Variants in HERC4 observed in about 807,000 individuals in gnomAD.
HERC4 encodes the protein HECT and RLD domain containing E3 ubiquitin protein ligase 4.
In HERC4, 28 loss-of-function variants were observed where a neutral mutation model predicts 124.3. The observed-to-expected ratio is 0.23, with a 90% confidence interval of 0.17 to 0.31. The LOEUF (loss-of-function observed/expected upper bound fraction) is 0.31, where lower values mean the gene tolerates loss of function less well. Ranked by LOEUF, HERC4 falls within the 10% of genes least tolerant of loss-of-function variation. HERC4 has a pLI of 1.00. For synonymous variants in HERC4, 407 were observed against 421.5 expected, an observed-to-expected ratio of 0.97 and a Z score of 0.42; for missense variants, 713 against 1,229.3, an observed-to-expected ratio of 0.58 and a Z score of 6.28.
intron 23 of HERC4, among the ~76,000 whole-genome samples, chr10:67,932,311 C>T (rs1170880687): frequency 6.6e-6 from 1 of 152,114 alleles, no homozygotes. Context: ...CTGTTGAACT[C>T]CTGGCCTCAA....
intron 15 of HERC4, among the ~76,000 whole-genome samples, chr10:67,970,563 C>A (rs1322968925): frequency 1.3e-5 from 2 of 150,986 alleles, no homozygotes; most frequent in Non-Finnish European, 1.5e-5. Flanking sequence ...CTGCACTCCA[C>A]CCTGGGTGAC....
At chr10:68,002,611 T>C (rs2132954089) in intron 9 of HERC4, among the ~76,000 whole-genome samples, 1 of 149,984 alleles carries the variant, frequency 6.7e-6, no homozygotes, top group East Asian at 1.9e-4. Context: ...TTTTTTTTTT[T>C]TTTTTGAGAT....
At chr10:67,955,238 GCTAC>G in intron 17 of HERC4, 108 bp from the exon 18 acceptor site, 1 of 923,066 alleles carries the variant, frequency 1.1e-6, no homozygotes, top group Non-Finnish European at 1.6e-6. Context: ...TAATTCCTAT[GCTAC>G]TGAATTAACA....
At chr10:68,063,382 GGTT>G in intron 3 of HERC4, among the ~76,000 whole-genome samples, 1 of 151,882 alleles carries the variant, frequency 6.6e-6, no homozygotes, top group Non-Finnish European at 1.5e-5. Context: ...TAATTTTTCT[GGTT>G]TTTTAGTAGA....
intron 3 of HERC4, among the ~76,000 whole-genome samples, chr10:68,062,841 CT>C (rs753593155): frequency 2.0e-5 from 3 of 152,122 alleles, no homozygotes; most frequent in Non-Finnish European, 4.4e-5. Flanking sequence ...CCCTTTCAAC[CT>C]TTCCTTTATA....
chr10:68,051,846 T>C (rs1386845590), intron 3 of HERC4, among the ~76,000 whole-genome samples: 1 of 151,532 alleles, frequency 6.6e-6, no homozygotes, highest in Non-Finnish European at 1.5e-5. Context: ...ATTTTTTGTA[T>C]TTTTTAGAGG....
chr10:67,932,415 T>C (rs2031918655), intron 23 of HERC4, among the ~76,000 whole-genome samples, 182 bp downstream of exon 23: 2 of 152,190 alleles, frequency 1.3e-5, no homozygotes, highest in South Asian at 4.1e-4. Flanking sequence ...ATACCACCAA[T>C]TATAATAGTG....
intron 3 of HERC4, among the ~76,000 whole-genome samples, chr10:68,063,804 T>C (rs1016736835): frequency 1.3e-5 from 2 of 150,716 alleles, no homozygotes; most frequent in African/African-American, 2.4e-5. Flanking sequence ...CAGGGCATGT[T>C]GACGGGCATC....
At chr10:68,059,773 TATATTATA>T (rs1410103997) in intron 3 of HERC4, among the ~76,000 whole-genome samples, 355 of 77,994 alleles carry the variant, frequency 4.6e-3, no homozygotes, top group Non-Finnish European at 6.3e-3. Flanking sequence ...CATAATATTA[TATATTATA>T]ATATTATATA....
At chr10:67,935,222 T>C (rs1028382292) in intron 22 of HERC4, among the ~76,000 whole-genome samples, 1 of 151,782 alleles carries the variant, frequency 6.6e-6, no homozygotes. Context: ...CTCGGCTCAC[T>C]GCAAACTCTG....
intron 9 of HERC4, among the ~76,000 whole-genome samples, chr10:68,012,115 G>T (rs1360156510): frequency 6.6e-6 from 1 of 152,190 alleles, no homozygotes; most frequent in East Asian, 1.9e-4. Flanking sequence ...CTTGAAGAGA[G>T]TTAGAATCTT....
chr10:67,983,659 C>T (rs988138520), intron 15 of HERC4, among the ~76,000 whole-genome samples: 5 of 151,664 alleles, frequency 3.3e-5, no homozygotes, highest in South Asian at 2.1e-4. Context: ...TGATGGCAGG[C>T]GCCTGTGGTC....
intron 24 of HERC4, 132 bp downstream of exon 24, chr10:67,924,952 GA>G (rs2030715156): frequency 2.0e-6 from 1 of 494,650 alleles, no homozygotes; most frequent in Admixed American, 3.9e-5. Context: ...TTTGAAATAA[GA>G]AAATACATGT....
chr10:67,943,865 A>G (rs1254237257), intron 19 of HERC4, among the ~76,000 whole-genome samples: 1 of 152,216 alleles, frequency 6.6e-6, no homozygotes. Context: ...TAATTATTCT[A>G]TGGATGGGGC....
chr10:67,972,732 A>G (rs930110084), intron 15 of HERC4, among the ~76,000 whole-genome samples: 10 of 152,270 alleles, frequency 6.6e-5, no homozygotes, highest in African/African-American at 2.4e-4. Context: ...GAGAAACTGA[A>G]GAGTCATTCA....
At chr10:67,981,405 A>C (rs1425567710) in intron 15 of HERC4, among the ~76,000 whole-genome samples, 1 of 152,240 alleles carries the variant, frequency 6.6e-6, no homozygotes, top group Non-Finnish European at 1.5e-5. Flanking sequence ...TTAGAGTTAA[A>C]GAGAGAAATA....
chr10:68,064,696 G>A (rs957217030), intron 3 of HERC4, among the ~76,000 whole-genome samples: 7 of 151,842 alleles, frequency 4.6e-5, no homozygotes, highest in Non-Finnish European at 2.9e-5. Context: ...AAATAGGCTG[G>A]GCATGGTGGC....
At chr10:67,939,420 T>A (rs1331760571) in intron 21 of HERC4, among the ~76,000 whole-genome samples, 168 bp downstream of exon 21, 6 of 152,194 alleles carry the variant, frequency 3.9e-5, no homozygotes. Flanking sequence ...GAGGATTAAA[T>A]GAAATGCATG....
intron 24 of HERC4, among the ~76,000 whole-genome samples, chr10:67,923,375 A>T (rs922377738): frequency 6.6e-6 from 1 of 152,170 alleles, no homozygotes; most frequent in Non-Finnish European, 1.5e-5. Flanking sequence ...GTGCTTAATA[A>T]ATGTTTGATA....
Sources: gnomAD v4.1 joint callset for allele counts (sites outside exome capture counted in the v4.1 genomes callset) on GRCh38, gnomAD v4.1.1 for gene constraint, MANE v1.5 for transcripts, NCBI Gene and HGNC (gene_info 2026-07-23, HGNC 2026-07-21) for gene names.